The following C10orf67 variants were observed in gnomAD, a reference collection of about 807,000 sequenced individuals.
C10orf67 encodes the protein uncharacterized protein C10orf67, mitochondrial.
Under a neutral mutation model 35.6 loss-of-function variants are expected in C10orf67, and 60 were observed. That is an observed-to-expected ratio of 1.68 (90% CI 1.37 to 2.09). C10orf67 has a LOEUF of 2.09. C10orf67 is among the 30% of genes most tolerant of loss of function. The pLI is 0.00. For synonymous variants in C10orf67, 167 were observed against 115.8 expected (o/e 1.44, Z -2.84); for missense variants, 474 against 330.2 (o/e 1.44, Z -3.38).
intron 1 of C10orf67, among the ~76,000 whole-genome samples, chr10:23,339,205 C>T (rs957095553): frequency 1.3e-5 from 2 of 151,982 alleles, no homozygotes; most frequent in Non-Finnish European, 2.9e-5. Flanking sequence ...ACTTTGTGAT[C>T]CTTATGCTGC....
chr10:23,270,404 C>A (rs1842985228), intron 8 of C10orf67, among the ~76,000 whole-genome samples: 1 of 152,202 alleles, frequency 6.6e-6, no homozygotes, highest in African/African-American at 2.4e-5. Context: ...GCCCATACCA[C>A]CAGGGCCCTG....
chr10:23,276,376 A>G (rs2132224107), intron 8 of C10orf67, among the ~76,000 whole-genome samples: 1 of 152,238 alleles, frequency 6.6e-6, no homozygotes, highest in South Asian at 2.1e-4. Flanking sequence ...GAAGTCATTG[A>G]TGCCACCTCC....
chr10:23,217,266 C>G (rs1324246036), intron 15 of C10orf67, among the ~76,000 whole-genome samples: 1 of 152,146 alleles, frequency 6.6e-6, no homozygotes, highest in Non-Finnish European at 1.5e-5. Context: ...TACTACTTTT[C>G]TGATCTCGGT....
chr10:23,294,496 G>A (rs536365452), intron 5 of C10orf67, among the ~76,000 whole-genome samples: 1 of 152,210 alleles, frequency 6.6e-6, no homozygotes, highest in Admixed American at 6.5e-5. Flanking sequence ...GAAACCTGAT[G>A]GCTACAATGG....
At chr10:23,253,168 T>C (rs146826860) in intron 10 of C10orf67, among the ~76,000 whole-genome samples, 1 of 152,102 alleles carries the variant, frequency 6.6e-6, no homozygotes, top group Non-Finnish European at 1.5e-5. Flanking sequence ...TCTTTATCAG[T>C]GATGTGAAAA....
chr10:23,276,050 G>T (rs1843177529), intron 8 of C10orf67, among the ~76,000 whole-genome samples: 1 of 152,098 alleles, frequency 6.6e-6, no homozygotes, highest in Non-Finnish European at 1.5e-5. Context: ...TTCCCATTAG[G>T]GTGATTAACG....
chr10:23,341,365 C>T (rs763851104), intron 1 of C10orf67, among the ~76,000 whole-genome samples: 1 of 152,180 alleles, frequency 6.6e-6, no homozygotes, highest in African/African-American at 2.4e-5. Flanking sequence ...CCTCCCCATC[C>T]GGGTTACTGG....
intron 8 of C10orf67, among the ~76,000 whole-genome samples, chr10:23,273,964 C>T (rs1036536679): frequency 5.9e-5 from 9 of 152,014 alleles, no homozygotes; most frequent in African/African-American, 2.2e-4. Flanking sequence ...GTTGGCCAGT[C>T]TGAGAAATAA....
intron 4 of C10orf67, among the ~76,000 whole-genome samples, chr10:23,308,577 T>C (rs946562849): frequency 2.6e-5 from 4 of 152,198 alleles, no homozygotes; most frequent in Admixed American, 1.3e-4. Flanking sequence ...CACAGGTCTC[T>C]GTGCCTTTGT....
chr10:23,236,894 C>A (rs1169329900), intron 13 of C10orf67, among the ~76,000 whole-genome samples: 1 of 152,022 alleles, frequency 6.6e-6, no homozygotes, highest in Non-Finnish European at 1.5e-5. Flanking sequence ...AACAGAAAAA[C>A]AACTTTTATT....
chr10:23,255,962 T>C (rs1309358245), intron 10 of C10orf67, among the ~76,000 whole-genome samples: 1 of 152,188 alleles, frequency 6.6e-6, no homozygotes, highest in Non-Finnish European at 1.5e-5. Context: ...CTTTTGGCAT[T>C]TCCTCATTGA....
chr10:23,305,983 ACACT>A (rs1410499427), intron 4 of C10orf67, among the ~76,000 whole-genome samples: 1 of 151,814 alleles, frequency 6.6e-6, no homozygotes, highest in Non-Finnish European at 1.5e-5. Flanking sequence ...ACACACACAC[ACACT>A]CTCTCTCTCA....
At chr10:23,337,274 C>T (rs1157057512) in intron 1 of C10orf67, among the ~76,000 whole-genome samples, 2 of 152,194 alleles carry the variant, frequency 1.3e-5, no homozygotes, top group African/African-American at 4.8e-5. Context: ...TGGCTCACAC[C>T]TGTAACCTCA....
chr10:23,293,547 T>C (rs1176043487), intron 5 of C10orf67, among the ~76,000 whole-genome samples: 1 of 152,156 alleles, frequency 6.6e-6, no homozygotes, highest in Non-Finnish European at 1.5e-5. Context: ...TAAACTGCCT[T>C]AATAAAATGA....
At chr10:23,231,094 C>T (rs1487730574) in intron 13 of C10orf67, among the ~76,000 whole-genome samples, 5 of 152,026 alleles carry the variant, frequency 3.3e-5, no homozygotes, top group South Asian at 2.1e-4. Flanking sequence ...GTCTCAGGCA[C>T]GTGCCACCAT....
chr10:23,284,937 T>C (rs1843488805), intron 7 of C10orf67, among the ~76,000 whole-genome samples: 1 of 152,216 alleles, frequency 6.6e-6, no homozygotes, highest in Non-Finnish European at 1.5e-5. Context: ...GGTATATACA[T>C]GCATTTTGTT....
intron 7 of C10orf67, among the ~76,000 whole-genome samples, chr10:23,284,065 C>T (rs1486055860): frequency 6.6e-6 from 1 of 151,570 alleles, no homozygotes. Flanking sequence ...AGGTCAGCTT[C>T]CCCAAATTCA....
intron 8 of C10orf67, among the ~76,000 whole-genome samples, chr10:23,270,679 G>A (rs996173417): frequency 2.0e-5 from 3 of 152,222 alleles, no homozygotes; most frequent in Non-Finnish European, 4.4e-5. Flanking sequence ...GGCCTGAGAT[G>A]GACCAAATTC....
intron 5 of C10orf67, among the ~76,000 whole-genome samples, chr10:23,296,440 C>T (rs1255854746): frequency 1.3e-5 from 2 of 152,160 alleles, no homozygotes; most frequent in African/African-American, 2.4e-5. Context: ...GTTGCAAGCC[C>T]TGTGTTTAAA....
Sources: gnomAD v4.1 joint callset for allele counts (sites outside exome capture counted in the v4.1 genomes callset) on GRCh38, gnomAD v4.1.1 for gene constraint, MANE v1.5 for transcripts, NCBI Gene and HGNC (gene_info 2026-07-23, HGNC 2026-07-21) for gene names.